PITPNC1: variants seen among roughly 807,000 people sequenced by gnomAD.
The protein encoded by PITPNC1 is phosphatidylinositol transfer protein cytoplasmic 1, also known as cytoplasmic phosphatidylinositol transfer protein 1.
Under a neutral mutation model 44.7 loss-of-function variants are expected in PITPNC1, and 18 were observed. The ratio of observed to expected loss-of-function variants is 0.40; its 90% CI spans 0.28 to 0.60. The LOEUF (loss-of-function observed/expected upper bound fraction) is 0.60, where lower values mean the gene tolerates loss of function less well. Ranked by LOEUF, PITPNC1 falls within the 20% of genes least tolerant of loss-of-function variation. PITPNC1 has a pLI of 0.39. For synonymous variants in PITPNC1, 141 were observed against 149.6 expected, an observed-to-expected ratio of 0.94 and a Z score of 0.42; for missense variants, 290 against 418.4, an observed-to-expected ratio of 0.69 and a Z score of 2.68.
intron 1 of PITPNC1, among the ~76,000 whole-genome samples, chr17:67,493,240 T>C (rs2144049039): frequency 6.6e-6 from 1 of 152,322 alleles, no homozygotes; most frequent in African/African-American, 2.4e-5. Flanking sequence ...CAATCAGGAA[T>C]ATTCCATGTC....
At chr17:67,452,813 A>G (rs1409132298) in intron 1 of PITPNC1, among the ~76,000 whole-genome samples, 1 of 152,210 alleles carries the variant, frequency 6.6e-6, no homozygotes, top group Non-Finnish European at 1.5e-5. Flanking sequence ...ACTTATGTTT[A>G]ACTTATAAAG....
Position 67,508,453 on chromosome 17 carries a change from C to T in PITPNC1, c.49-24349C>T, listed in dbSNP as rs1403502964. Among the ~76,000 whole-genome samples, 1 of 152,192 alleles carries T rather than the reference C, an allele frequency of 6.6e-6. No individual in the cohort carries two copies. Among genetic ancestry groups the T allele is most frequent in the Non-Finnish European group, 1.5e-5 (1 of 68,028 alleles). On this transcript the variant is annotated intron_variant, in intron 1 of 8. Transcript: ENST00000581322. This position sits in a 1 kb window ranked among gnomAD's most constrained non-coding sequence, Gnocchi z 4.2. ...TGTCGTGGCTCTGGTGGGAGTGTAG[C>T]AGTGAGGACGACCAGAGGTCACTCC... is the stretch of plus-strand genomic sequence containing the variant.
At chr17:67,424,104 AAAAT>A (rs2038709487) in intron 1 of PITPNC1, among the ~76,000 whole-genome samples, 3 of 151,710 alleles carry the variant, frequency 2.0e-5, no homozygotes, top group Non-Finnish European at 4.4e-5. Context: ...AAAAAAAAAA[AAAAT>A]AGAGTTGAGG....
At chr17:67,685,058 T>C (rs970462188) in intron 8 of PITPNC1, among the ~76,000 whole-genome samples, 3 of 152,260 alleles carry the variant, frequency 2.0e-5, no homozygotes, top group African/African-American at 7.2e-5. Context: ...AATTTTCAAC[T>C]CCTAGCTAAA....
At chr17:67,579,844 G>A (rs913479767) in intron 5 of PITPNC1, among the ~76,000 whole-genome samples, 2 of 151,872 alleles carry the variant, frequency 1.3e-5, no homozygotes, top group African/African-American at 4.8e-5. Context: ...GGAGGCTGAG[G>A]CAGGAGAATT....
intron 1 of PITPNC1, among the ~76,000 whole-genome samples, chr17:67,510,303 T>C (rs12947888): frequency 0.11 from 16,230 of 152,256 alleles, 1,095 homozygotes; most frequent in African/African-American, 0.2. Flanking sequence ...GAGCCCCCTC[T>C]GGCTTCTTTG....
At chr17:67,415,832 T>G (rs2038578785) in intron 1 of PITPNC1, among the ~76,000 whole-genome samples, 1 of 152,110 alleles carries the variant, frequency 6.6e-6, no homozygotes, top group Non-Finnish European at 1.5e-5. Flanking sequence ...AGTGATAAAG[T>G]TCCAACTTAG....
intron 5 of PITPNC1, among the ~76,000 whole-genome samples, chr17:67,599,319 T>C (rs1026067184): frequency 5.9e-5 from 9 of 151,818 alleles, no homozygotes; most frequent in African/African-American, 2.2e-4. Context: ...GGGAATTTGG[T>C]ATATAAATCC....
intron 1 of PITPNC1, among the ~76,000 whole-genome samples, chr17:67,415,917 A>G (rs566376885): frequency 6.6e-6 from 1 of 152,214 alleles, no homozygotes; most frequent in East Asian, 1.9e-4. Context: ...ACCTAAAAAA[A>G]AAAAAATCCT....
intron 6 of PITPNC1, among the ~76,000 whole-genome samples, chr17:67,646,638 C>A (rs1386285549): frequency 1.3e-5 from 2 of 152,140 alleles, no homozygotes; most frequent in Non-Finnish European, 2.9e-5. Flanking sequence ...ATCCTCCTAC[C>A]ACAGCCTCCT....
At chr17:67,491,463 C>T (rs2039863972) in intron 1 of PITPNC1, among the ~76,000 whole-genome samples, 1 of 152,196 alleles carries the variant, frequency 6.6e-6, no homozygotes, top group Admixed American at 6.5e-5. Context: ...AGTTCATGAA[C>T]ATCTGTCTAA....
intron 1 of PITPNC1, among the ~76,000 whole-genome samples, chr17:67,398,935 A>G (rs2038262745): frequency 6.6e-6 from 1 of 151,948 alleles, no homozygotes; most frequent in African/African-American, 2.4e-5. Context: ...AATTTGCTTC[A>G]AAGGCCGAGT....
chr17:67,692,522 C>A, intron 8 of PITPNC1, 50 bp from the exon 9 acceptor site: 1 of 1,320,260 alleles, frequency 7.6e-7, no homozygotes, highest in Non-Finnish European at 1.1e-6. Context: ...AATCTATTTG[C>A]CTCTCTTATA....
intron 6 of PITPNC1, among the ~76,000 whole-genome samples, chr17:67,641,527 T>A (rs926478410): frequency 1.3e-5 from 2 of 152,156 alleles, no homozygotes; most frequent in Non-Finnish European, 2.9e-5. Context: ...CCAGGTTCAG[T>A]GGCTCACGCC....
chr17:67,685,531 A>G (rs1193389807), intron 8 of PITPNC1, among the ~76,000 whole-genome samples: 2 of 152,366 alleles, frequency 1.3e-5, no homozygotes, highest in East Asian at 1.9e-4. Flanking sequence ...TACCTAAGGA[A>G]AAATTCCAGC....
chr17:67,672,743 T>C (rs2144406197), intron 7 of PITPNC1, among the ~76,000 whole-genome samples: 2 of 152,244 alleles, frequency 1.3e-5, no homozygotes, highest in Non-Finnish European at 2.9e-5. Context: ...GATTTATGCC[T>C]TGCCCTTTCC....
chr17:67,549,057 G>C (rs1195900154), intron 2 of PITPNC1, among the ~76,000 whole-genome samples: 1 of 152,114 alleles, frequency 6.6e-6, no homozygotes. Flanking sequence ...AAGATCTGTT[G>C]GTGGGCTTAA....
intron 5 of PITPNC1, among the ~76,000 whole-genome samples, chr17:67,604,671 T>C (rs756084062): frequency 2.6e-5 from 4 of 152,058 alleles, no homozygotes; most frequent in Non-Finnish European, 4.4e-5. Flanking sequence ...TAGTCCCAGC[T>C]ACTTGGGAAG....
intron 1 of PITPNC1, among the ~76,000 whole-genome samples, chr17:67,444,640 T>A (rs2039068250): frequency 6.6e-6 from 1 of 152,152 alleles, no homozygotes; most frequent in African/African-American, 2.4e-5. Context: ...CCCACGCCTG[T>A]AATCCCAGCA....
Sources: gnomAD v4.1 joint callset for allele counts (sites outside exome capture counted in the v4.1 genomes callset) on GRCh38, gnomAD v4.1.1 for gene constraint, Gnocchi (gnomAD v3.1) non-coding constraint, MANE v1.5 for transcripts, NCBI Gene and HGNC (gene_info 2026-07-23, HGNC 2026-07-21) for gene names.